The following SGTB variants were observed in gnomAD, a reference collection of about 807,000 sequenced individuals.
SGTB encodes small glutamine rich tetratricopeptide repeat co-chaperone beta.
A neutral mutation model predicts 43.9 loss-of-function variants in SGTB; 19 were observed. That is an observed-to-expected ratio of 0.43 (90% confidence interval 0.30 to 0.63). SGTB has a LOEUF of 0.63. Ranked by LOEUF, SGTB falls within the 30% of genes least tolerant of loss-of-function variation. The pLI is 0.12. For synonymous variants in SGTB, 116 were observed against 117.3 expected (o/e 0.99, Z 0.07); for missense variants, 304 against 358.9 (o/e 0.85, Z 1.24).
At chr5:65,690,134 A>C (rs991033715) in intron 5 of SGTB, among the ~76,000 whole-genome samples, 4 of 152,164 alleles carry the variant, frequency 2.6e-5, no homozygotes, top group African/African-American at 9.7e-5. Context: ...AGAAGCAGCC[A>C]AGAAAAAGGA....
At chr5:65,699,029 G>C (rs1185087479) in intron 5 of SGTB, among the ~76,000 whole-genome samples, 1 of 152,004 alleles carries the variant, frequency 6.6e-6, no homozygotes, top group Non-Finnish European at 1.5e-5. Flanking sequence ...TCCCATTACT[G>C]GGTACCCACC....
chr5:65,717,017 G>A (rs35715579), intron 2 of SGTB, among the ~76,000 whole-genome samples: 26,607 of 151,750 alleles, frequency 0.18, 2,653 homozygotes, highest in South Asian at 0.35. Context: ...GAGGTATCCT[G>A]GAAACTAAAT....
intron 2 of SGTB, among the ~76,000 whole-genome samples, chr5:65,714,539 G>T (rs897304370): frequency 6.6e-6 from 1 of 152,234 alleles, no homozygotes; most frequent in Admixed American, 6.5e-5. Context: ...TGGAGGCCAG[G>T]TTCGGTGGCT....
intron 8 of SGTB, among the ~76,000 whole-genome samples, chr5:65,673,270 T>C (rs545069413): frequency 2.2e-4 from 33 of 152,342 alleles, no homozygotes; most frequent in Non-Finnish European, 3.5e-4. Context: ...TCTCCCTTCC[T>C]AGCATGGGCC....
rs1403042778 is a variant in SGTB at position 65,666,151 on chromosome 5, TG to T, written c.*4094del. ...TAGCCACTGCATTGGATACTTGGAT[TG>T]TTTTTCAAGCATCTTCTTATGACTA... On this transcript the variant is annotated 3_prime_UTR_variant, in exon 11 of 11. Transcript: ENST00000381007. The T allele has an allele frequency of 6.6e-6, 1 of 152,614 alleles. No homozygotes were observed. Among genetic ancestry groups the T allele is most frequent in the African/African-American group, 2.4e-5 (1 of 41,480 alleles). The allele number at this position is 152,614 out of a possible 1,614,324, so 9.5% of individuals were successfully genotyped here.
chr5:65,696,599 T>C (rs901071673), intron 5 of SGTB, among the ~76,000 whole-genome samples: 3 of 152,180 alleles, frequency 2.0e-5, no homozygotes, highest in Non-Finnish European at 2.9e-5. Flanking sequence ...GGGATACAAA[T>C]AGATACAAGT....
At chr5:65,722,237 G>C, upstream of SGTB, 1 of 477,818 alleles carries the variant, frequency 2.1e-6, no homozygotes, top group Non-Finnish European at 3.4e-6. Flanking sequence ...CACGTGGGAG[G>C]GCGCTGGCCA....
chr5:65,708,516 C>T lies in SGTB; in HGVS notation c.247G>A (p.Gly83Arg), dbSNP rs750323357. Residue 83 changes from glycine to arginine, a missense_variant, in exon 4 of 11, where the codon GGA becomes AGA. Physicochemically the swap from Gly to Arg is moderately radical, Grantham distance 125 (BLOSUM62 -2). Coordinates refer to ENST00000381007, the MANE Select transcript of SGTB (RefSeq NM_019072.3). ...TCATCTTTTAATTGGTCAGCTTTTC[C>T]CACATCTTCAGGCACTGAGTTTGAA... is the stretch of plus-strand genomic sequence containing the variant. ...PLSNSVPEDV[G>R]KADQLKDEGN... 6.2e-7 allele frequency: 1 copy of T among 1,612,988 alleles called. No homozygotes were observed. Among genetic ancestry groups the T allele is most frequent in the East Asian group, 2.2e-5 (1 of 44,818 alleles).
At chr5:65,718,143 T>C (rs1758186507) in intron 2 of SGTB, among the ~76,000 whole-genome samples, 1 of 152,122 alleles carries the variant, frequency 6.6e-6, no homozygotes, top group Non-Finnish European at 1.5e-5. Flanking sequence ...AATGCAATTC[T>C]GGTAATGATT....
intron 5 of SGTB, among the ~76,000 whole-genome samples, chr5:65,695,555 TA>T (rs2150713971): frequency 2.0e-5 from 3 of 152,332 alleles, no homozygotes; most frequent in Non-Finnish European, 4.4e-5. Flanking sequence ...GTTGTCTGGT[TA>T]TCAGGGCATA....
At chr5:65,671,455 T>C (rs1757151663) in intron 10 of SGTB, among the ~76,000 whole-genome samples, 1 of 152,160 alleles carries the variant, frequency 6.6e-6, no homozygotes. Flanking sequence ...CTGAATGTGC[T>C]ATGGGTTCCT....
At chr5:65,685,239 C>T (rs1757476091) in intron 6 of SGTB, 129 bp downstream of exon 6, 1 of 717,474 alleles carries the variant, frequency 1.4e-6, no homozygotes, top group African/African-American at 1.8e-5. Flanking sequence ...CATTTCCTCC[C>T]TTATGTTTTA....
intron 2 of SGTB, among the ~76,000 whole-genome samples, chr5:65,714,861 T>G (rs1758119994): frequency 6.6e-6 from 1 of 152,134 alleles, no homozygotes; most frequent in African/African-American, 2.4e-5. Flanking sequence ...CACCTGAAAT[T>G]GCATTTTTAA....
chr5:65,700,797 G>A (rs1757800500), intron 5 of SGTB, among the ~76,000 whole-genome samples: 1 of 151,242 alleles, frequency 6.6e-6, no homozygotes, highest in Non-Finnish European at 1.5e-5. Context: ...ATCACTTGAG[G>A]TCAGGAGTTC....
At chr5:65,704,150 T>C (rs749261818) in intron 5 of SGTB, 129 bp downstream of exon 5, 2 of 580,634 alleles carry the variant, frequency 3.4e-6, no homozygotes, top group Non-Finnish European at 5.4e-6. Flanking sequence ...TTAAGTTTAT[T>C]TTTTCTTCCT....
chr5:65,707,238 A>T (rs1169634057), intron 4 of SGTB, among the ~76,000 whole-genome samples: 1 of 150,668 alleles, frequency 6.6e-6, no homozygotes, highest in African/African-American at 2.4e-5. Flanking sequence ...ACTCCAGCCG[A>T]GGTGGCAGAG....
intron 5 of SGTB, among the ~76,000 whole-genome samples, chr5:65,689,012 G>A (rs546018696): frequency 5.9e-5 from 9 of 152,006 alleles, no homozygotes; most frequent in Admixed American, 2.0e-4. Context: ...GGGTTTCACC[G>A]TGTTAGCCAG....
At chr5:65,709,107 C>T (rs1188033898) in intron 3 of SGTB, among the ~76,000 whole-genome samples, 1 of 151,490 alleles carries the variant, frequency 6.6e-6, no homozygotes, top group Non-Finnish European at 1.5e-5. Flanking sequence ...ATTTCCCATA[C>T]CTGGCAATCC....
intron 5 of SGTB, among the ~76,000 whole-genome samples, chr5:65,692,791 T>C (rs910292419): frequency 1.3e-5 from 2 of 152,208 alleles, no homozygotes; most frequent in African/African-American, 4.8e-5. Context: ...GGTATGATAG[T>C]TATATGAAAC....
Sources: allele counts gnomAD v4.1 joint callset (sites outside exome capture counted in the v4.1 genomes callset), GRCh38; gene constraint gnomAD v4.1.1; transcripts MANE v1.5; gene names NCBI Gene and HGNC (gene_info 2026-07-23, HGNC 2026-07-21).